The following MARCHF1 variants were observed in gnomAD, a reference collection of about 807,000 sequenced individuals.
MARCHF1 encodes the protein membrane associated ring-CH-type finger 1, also known as E3 ubiquitin-protein ligase MARCHF1.
In MARCHF1, 40 loss-of-function variants were observed where a neutral mutation model predicts 54.2. That is an observed-to-expected ratio of 0.74 (90% CI 0.57 to 0.96). MARCHF1 has a LOEUF of 0.96. Ranked by LOEUF, MARCHF1 falls within the 40% of genes least tolerant of loss-of-function variation. The pLI, the probability that MARCHF1 is intolerant of heterozygous loss-of-function variation, is 0.00. For missense variants in MARCHF1, 586 were observed against 656.5 expected, an observed-to-expected ratio of 0.89 and a Z score of 1.17; for synonymous variants, 236 against 236.3, an observed-to-expected ratio of 1.00 and a Z score of 0.01.
intron 3 of MARCHF1, among the ~76,000 whole-genome samples, chr4:163,880,293 T>C (rs899014548): frequency 1.3e-4 from 20 of 151,492 alleles, no homozygotes; most frequent in Non-Finnish European, 2.1e-4. Flanking sequence ...TTTAAATAAC[T>C]TTTCAGAAAA....
chr4:164,207,629 G>A (rs893875814), intron 1 of MARCHF1, among the ~76,000 whole-genome samples: 16 of 152,194 alleles, frequency 1.1e-4, no homozygotes, highest in African/African-American at 3.9e-4. Context: ...AGCAGATGAA[G>A]GGCTGCCTGC....
chr4:164,215,343 C>T (rs909507003), intron 1 of MARCHF1, among the ~76,000 whole-genome samples: 2 of 152,144 alleles, frequency 1.3e-5, no homozygotes, highest in Admixed American at 1.3e-4. Context: ...CTCCCCTTGA[C>T]GTCCAGCTGC....
intron 8 of MARCHF1, among the ~76,000 whole-genome samples, chr4:163,557,722 T>C (rs11100509): frequency 0.79 from 120,217 of 152,150 alleles, 47,752 homozygotes; most frequent in Middle Eastern, 0.89. Flanking sequence ...CTTTTGCCTA[T>C]ATCCTTCATT....
chr4:163,614,657 G>A (rs956846074), intron 5 of MARCHF1, among the ~76,000 whole-genome samples: 2 of 152,086 alleles, frequency 1.3e-5, no homozygotes, highest in African/African-American at 4.8e-5. Context: ...GGTATAGTAG[G>A]CTAAATAATG....
chr4:163,707,786 T>TAAAAA (rs777522371), intron 4 of MARCHF1, among the ~76,000 whole-genome samples: 93 of 65,308 alleles, frequency 1.4e-3, no homozygotes, highest in East Asian at 2.3e-3. Flanking sequence ...TGTTTTGAAC[T>TAAAAA]AAAAAAAAAA....
At chr4:163,799,670 C>G (rs1449541466) in intron 4 of MARCHF1, among the ~76,000 whole-genome samples, 1 of 151,946 alleles carries the variant, frequency 6.6e-6, no homozygotes, top group Non-Finnish European at 1.5e-5. Flanking sequence ...AGACAGTAAC[C>G]ATTATTTTTT....
chr4:164,356,758 T>A, intron 1 of MARCHF1, among the ~76,000 whole-genome samples: 2 of 40,564 alleles, frequency 4.9e-5, no homozygotes, highest in African/African-American at 1.3e-4. Flanking sequence ...AAACTTAAAG[T>A]ATAATAAAAA....
chr4:163,850,390 C>T (rs986711738), intron 4 of MARCHF1, among the ~76,000 whole-genome samples: 1 of 152,194 alleles, frequency 6.6e-6, no homozygotes, highest in African/African-American at 2.4e-5. Flanking sequence ...CCCTCTGTTA[C>T]TCTTCTGTAT....
intron 2 of MARCHF1, among the ~76,000 whole-genome samples, chr4:164,063,126 G>A (rs1355508336): frequency 6.6e-6 from 1 of 152,172 alleles, no homozygotes; most frequent in African/African-American, 2.4e-5. Context: ...CACAGGCAGA[G>A]TATACTTTGC....
At chr4:163,823,006 T>G (rs571224251) in intron 4 of MARCHF1, among the ~76,000 whole-genome samples, 1 of 151,974 alleles carries the variant, frequency 6.6e-6, no homozygotes, top group South Asian at 2.1e-4. Context: ...AGATCCATTA[T>G]GCTAATAACA....
At chr4:163,936,526 C>T (rs1751799088) in intron 3 of MARCHF1, among the ~76,000 whole-genome samples, 1 of 152,170 alleles carries the variant, frequency 6.6e-6, no homozygotes, top group Non-Finnish European at 1.5e-5. Flanking sequence ...ACACTAGGAG[C>T]TGAGGCTCAG....
chr4:163,838,099 A>T (rs142028999), intron 4 of MARCHF1, among the ~76,000 whole-genome samples: 167 of 152,224 alleles, frequency 1.1e-3, no homozygotes, highest in African/African-American at 3.8e-3. Flanking sequence ...GATATAGGGA[A>T]AGCTATGCTT....
chr4:163,733,892 G>T (rs56681364), intron 4 of MARCHF1, among the ~76,000 whole-genome samples: 1 of 151,948 alleles, frequency 6.6e-6, no homozygotes, highest in Middle Eastern at 3.4e-3. Context: ...GCAAAAATGT[G>T]TGCAAATCAC....
intron 1 of MARCHF1, among the ~76,000 whole-genome samples, chr4:164,286,162 T>G (rs1332099711): frequency 1.3e-5 from 2 of 152,184 alleles, no homozygotes; most frequent in African/African-American, 4.8e-5. Flanking sequence ...TCTCAAAAGA[T>G]AAATGGAAAT....
chr4:164,089,763 G>C (rs1755262495), intron 2 of MARCHF1, among the ~76,000 whole-genome samples: 2 of 151,910 alleles, frequency 1.3e-5, no homozygotes, highest in Non-Finnish European at 1.5e-5. Context: ...CATCCTCAGA[G>C]TTATCTAGAA....
intron 4 of MARCHF1, among the ~76,000 whole-genome samples, chr4:163,745,226 T>C (rs12645543): frequency 0.89 from 135,190 of 151,628 alleles, 60,376 homozygotes; most frequent in Non-Finnish European, 0.92. Context: ...CATTCTCTGC[T>C]TCAGCCCCCC....
intron 1 of MARCHF1, among the ~76,000 whole-genome samples, chr4:164,364,474 C>G (rs1050218594): frequency 6.6e-6 from 1 of 151,956 alleles, no homozygotes; most frequent in Non-Finnish European, 1.5e-5. Context: ...AATTGTTTAA[C>G]TCTGCATTTT....
chr4:164,248,040 A>T (rs1254853012), intron 1 of MARCHF1, among the ~76,000 whole-genome samples: 1 of 151,820 alleles, frequency 6.6e-6, no homozygotes, highest in African/African-American at 2.4e-5. Context: ...GAATAATATC[A>T]CATTCTTAAA....
chr4:164,329,261 T>C (rs35026909), intron 1 of MARCHF1, among the ~76,000 whole-genome samples: 14,898 of 152,260 alleles, frequency 0.098, 817 homozygotes, highest in Middle Eastern at 0.11. Context: ...GACATCTGGT[T>C]CTTTTATAAT....
Sources: allele counts gnomAD v4.1 joint callset (sites outside exome capture counted in the v4.1 genomes callset), GRCh38; gene constraint gnomAD v4.1.1; transcripts MANE v1.5; gene names NCBI Gene and HGNC (gene_info 2026-07-23, HGNC 2026-07-21).